LPP: variants seen among roughly 807,000 people sequenced by gnomAD.
LPP encodes the protein lipoma-preferred partner.
A neutral mutation model predicts 60.4 loss-of-function variants in LPP; 38 were observed. That is an observed-to-expected ratio of 0.63 (90% CI 0.49 to 0.83). The LOEUF (loss-of-function observed/expected upper bound fraction) is 0.83, where lower values mean the gene tolerates loss of function less well. Ranked by LOEUF, LPP falls within the 40% of genes least tolerant of loss-of-function variation. The pLI, the probability that LPP is intolerant of heterozygous loss-of-function variation, is 0.00. For synonymous variants in LPP, 328 were observed against 290.8 expected (o/e 1.13, Z -1.30); for missense variants, 902 against 783.6 (o/e 1.15, Z -1.80).
At chr3:188,518,146 A>C (rs926818139) in intron 5 of LPP, among the ~76,000 whole-genome samples, 24 of 152,264 alleles carry the variant, frequency 1.6e-4, no homozygotes, top group African/African-American at 5.8e-4. Context: ...ACCCAGCTTC[A>C]AGTTTTGCAT....
At chr3:188,229,930 A>T (rs948406081) in intron 2 of LPP, among the ~76,000 whole-genome samples, 4 of 152,134 alleles carry the variant, frequency 2.6e-5, no homozygotes, top group African/African-American at 9.7e-5. Flanking sequence ...TGGTTCATAG[A>T]GTATGTGTTT....
chr3:188,439,082 C>A (rs1793106501), intron 4 of LPP, among the ~76,000 whole-genome samples: 1 of 152,082 alleles, frequency 6.6e-6, no homozygotes, highest in Non-Finnish European at 1.5e-5. Context: ...ACACTAGTTT[C>A]AAAATGTATT....
chr3:188,313,650 A>G (rs1560234873), intron 2 of LPP, among the ~76,000 whole-genome samples: 1 of 151,014 alleles, frequency 6.6e-6, no homozygotes, highest in Non-Finnish European at 1.5e-5. Context: ...AAAAAAAAAA[A>G]ATAAAATAAA....
chr3:188,874,103 T>A (rs949346198), intron 11 of LPP, among the ~76,000 whole-genome samples: 1 of 152,156 alleles, frequency 6.6e-6, no homozygotes, highest in Admixed American at 6.5e-5. Flanking sequence ...TCATATCAAG[T>A]GAGCTTAGGA....
rs368115626 is a variant in LPP, at chr3:188,269,645, A to ATGTGTGTGTGTG, written c.-67+44142_-67+44153dup. ...GCTAGCTGGTTGTGCCTTTTTTTTT[A>ATGTGTGTGTGTG]TGTGTGTGTGTGTGTGTGTGTGTGT... On this transcript the variant is annotated intron_variant, in intron 2 of 11. Transcript: ENST00000617246. Among the ~76,000 whole-genome samples, 1,200 of 136,498 alleles carry ATGTGTGTGTGTG rather than the reference A, an allele frequency of 8.8e-3. 21 individuals carry two copies. Among genetic ancestry groups the ATGTGTGTGTGTG allele is most frequent in the African/African-American group, 0.028 (998 of 35,786 alleles). 89.5% of individuals were successfully genotyped at this position (136,498 alleles called of 152,430 possible). A position where few individuals can be genotyped will look rare whatever the true frequency, so the allele number is the denominator to read the frequency against.
At chr3:188,615,871 G>T (rs528998308) in intron 7 of LPP, among the ~76,000 whole-genome samples, 1 of 152,026 alleles carries the variant, frequency 6.6e-6, no homozygotes, top group African/African-American at 2.4e-5. Context: ...TTTGTTGACC[G>T]CATAAATGTC....
intron 7 of LPP, among the ~76,000 whole-genome samples, chr3:188,668,681 A>T (rs1044256915): frequency 6.6e-6 from 1 of 152,226 alleles, no homozygotes. Context: ...AATCTGGAAC[A>T]GACGTGCAAG....
At chr3:188,231,531 C>G (rs1719952194) in intron 2 of LPP, among the ~76,000 whole-genome samples, 1 of 152,126 alleles carries the variant, frequency 6.6e-6, no homozygotes, top group African/African-American at 2.4e-5. Context: ...TTTTGCCCTC[C>G]TCAGCGGTAG....
intron 3 of LPP, among the ~76,000 whole-genome samples, chr3:188,361,146 C>T (rs1404025786): frequency 6.6e-6 from 1 of 152,116 alleles, no homozygotes; most frequent in East Asian, 1.9e-4. Context: ...AAATGATACT[C>T]ATACCAATAG....
At chr3:188,373,568 T>A (rs1351536642) in intron 3 of LPP, among the ~76,000 whole-genome samples, 7 of 152,228 alleles carry the variant, frequency 4.6e-5, no homozygotes, top group Non-Finnish European at 8.8e-5. Flanking sequence ...GTTTTTTTCT[T>A]GTAAATTTGT....
intron 7 of LPP, among the ~76,000 whole-genome samples, chr3:188,627,708 T>A (rs1360615801): frequency 2.6e-5 from 4 of 152,032 alleles, no homozygotes; most frequent in African/African-American, 9.7e-5. Context: ...TCTAGAGAGA[T>A]CACTAAAGCA....
chr3:188,217,405 G>T lies in LPP; in HGVS notation c.-189-8000G>T, dbSNP rs1289962203. On this transcript the variant is annotated intron_variant, in intron 1 of 11. Coordinates refer to ENST00000617246, the MANE Select transcript of LPP (RefSeq NM_001375462.1). The surrounding 1 kb of genome is among the most constrained non-coding windows in gnomAD (Gnocchi z 4.0). The stretch of plus-strand genomic sequence containing the variant: ...AGAAAAGAATAGGGTCTAGCAGGTG[G>T]TGGTAAGTGAGAGACCTGAGCTTCT... Among the ~76,000 whole-genome samples the T allele has an allele frequency of 6.6e-6, 1 of 152,180 alleles. No individual in the cohort carries two copies. The highest frequency in any genetic ancestry group is 1.5e-5 in the Non-Finnish European group (1 of 68,036).
chr3:188,677,122 C>G (rs964810447), intron 7 of LPP, among the ~76,000 whole-genome samples: 10 of 152,086 alleles, frequency 6.6e-5, no homozygotes, highest in African/African-American at 2.4e-4. Flanking sequence ...AGACTGCCAC[C>G]CCAGCCTAAC....
chr3:188,447,036 A>G (rs772366556), intron 4 of LPP, among the ~76,000 whole-genome samples: 4 of 152,190 alleles, frequency 2.6e-5, no homozygotes, highest in Non-Finnish European at 5.9e-5. Flanking sequence ...AAAGTCTGAC[A>G]TGTGATTTGT....
At chr3:188,243,772 T>C (rs73059644) in intron 2 of LPP, among the ~76,000 whole-genome samples, 2,590 of 152,256 alleles carry the variant, frequency 0.017, 67 homozygotes, top group African/African-American at 0.056. Flanking sequence ...TCTCTCTGGG[T>C]GTAATTTCTT....
At chr3:188,334,840 C>G (rs764825639) in intron 2 of LPP, among the ~76,000 whole-genome samples, 5 of 152,112 alleles carry the variant, frequency 3.3e-5, no homozygotes, top group Non-Finnish European at 5.9e-5. Context: ...TGCATCTTTG[C>G]CAGCGTTTCT....
At chr3:188,657,258 G>GTGTGTATATATATATATATATA (rs1553782707) in intron 7 of LPP, among the ~76,000 whole-genome samples, 4 of 89,840 alleles carry the variant, frequency 4.5e-5, no homozygotes, top group East Asian at 5.1e-4. Context: ...CTGTCAAGGT[G>GTGTGTATATATATATATATATA]TATATATATA....
intron 4 of LPP, among the ~76,000 whole-genome samples, chr3:188,429,034 G>T (rs1790234940): frequency 6.6e-6 from 1 of 152,054 alleles, no homozygotes; most frequent in Non-Finnish European, 1.5e-5. Context: ...ATTAGACAAA[G>T]AAATAAAATA....
intron 2 of LPP, among the ~76,000 whole-genome samples, chr3:188,327,130 A>G (rs1758638558): frequency 6.6e-6 from 1 of 152,212 alleles, no homozygotes. Flanking sequence ...GGTCATGATT[A>G]CAACACTGAT....
Sources: gnomAD v4.1 joint callset for allele counts (sites outside exome capture counted in the v4.1 genomes callset) on GRCh38, gnomAD v4.1.1 for gene constraint, Gnocchi (gnomAD v3.1) non-coding constraint, MANE v1.5 for transcripts, NCBI Gene and HGNC (gene_info 2026-07-23, HGNC 2026-07-21) for gene names.